Variants in ZDHHC11B observed in about 807,000 individuals in gnomAD.
The protein encoded by ZDHHC11B is zDHHC palmitoyltransferase 11B (putative), also known as probable palmitoyltransferase ZDHHC11B.
ZDHHC11B carries 17 observed loss-of-function variants against 42.3 expected under a neutral mutation model. The ratio of observed to expected loss-of-function variants is 0.40; its 90% CI spans 0.27 to 0.60. The LOEUF (loss-of-function observed/expected upper bound fraction) is 0.60. Ranked by LOEUF, ZDHHC11B falls within the 20% of genes least tolerant of loss-of-function variation. The pLI, the probability that ZDHHC11B is intolerant of heterozygous loss-of-function variation, is 0.41. For missense variants in ZDHHC11B, 262 were observed against 463.2 expected (o/e 0.57, Z 3.99); for synonymous variants, 123 against 193.5 (o/e 0.64, Z 3.02).
chr5:746,541 C>T (rs1408137325), intron 8 of ZDHHC11B, among the ~76,000 whole-genome samples: 1 of 133,454 alleles, frequency 7.5e-6, no homozygotes, highest in Admixed American at 8.5e-5. Context: ...TCAAGAAGCC[C>T]GTTCCAAGTG....
chr5:721,376 A>G (rs1365009986), intron 12 of ZDHHC11B, among the ~76,000 whole-genome samples: 1 of 151,550 alleles, frequency 6.6e-6, no homozygotes, highest in Non-Finnish European at 1.5e-5. Context: ...CATTATATAT[A>G]TAGATAGATA....
chr5:720,848 C>A (rs1259345811), intron 12 of ZDHHC11B, among the ~76,000 whole-genome samples: 1 of 151,584 alleles, frequency 6.6e-6, no homozygotes, highest in Non-Finnish European at 1.5e-5. Context: ...TAGTGGCTTA[C>A]TCCTGTAATC....
At chr5:712,884 G>A (rs1476844594) in intron 13 of ZDHHC11B, among the ~76,000 whole-genome samples, 1 of 150,418 alleles carries the variant, frequency 6.6e-6, no homozygotes, top group African/African-American at 2.4e-5. Flanking sequence ...ACTCCAGCCT[G>A]GGTGACACAG....
chr5:756,219 C>T (rs1733805680), intron 4 of ZDHHC11B, 75 bp from the exon 5 acceptor site: 1 of 1,523,414 alleles, frequency 6.6e-7, no homozygotes, highest in African/African-American at 1.4e-5. Flanking sequence ...GCCCAAGGTC[C>T]CAGAAGAGGC....
chr5:731,721 C>A (rs1196931717), intron 11 of ZDHHC11B, among the ~76,000 whole-genome samples: 1 of 151,830 alleles, frequency 6.6e-6, no homozygotes, highest in Non-Finnish European at 1.5e-5. Flanking sequence ...CAAATGTATC[C>A]GTTTTGTGAA....
chr5:756,941 G>A (rs1733939034), intron 4 of ZDHHC11B, among the ~76,000 whole-genome samples: 2 of 151,754 alleles, frequency 1.3e-5, no homozygotes, highest in Non-Finnish European at 2.9e-5. Context: ...GGGACCCTGG[G>A]CCTCTGTCTT....
intron 4 of ZDHHC11B, among the ~76,000 whole-genome samples, chr5:763,961 G>A (rs550962479): frequency 5.9e-5 from 9 of 151,942 alleles, no homozygotes; most frequent in South Asian, 2.1e-4. Flanking sequence ...CTGCGGGTCC[G>A]CTTGACTGTA....
rs538821317 is a variant in ZDHHC11B, at chr5:748,094, C to T, written c.784+310G>A. 4.3e-5 allele frequency: 22 copies of T among 514,702 alleles called. 6 individuals carry two copies. Among genetic ancestry groups the T allele is most frequent in the African/African-American group, 3.2e-4 (17 of 53,416 alleles). The allele number at this position is 514,702 out of a possible 1,614,324, so 31.9% of individuals were successfully genotyped here. A position where few individuals can be genotyped will look rare whatever the true frequency, so the allele number is the denominator to read the frequency against. ...TGCCTAATAGATTCCATTCCATTTT[C>T]TCTGAACATTTTAAACTTGTTACTT... On this transcript the variant is annotated intron_variant, in intron 8 of 13. Transcript: ENST00000508859.
chr5:739,096 C>CA lies in ZDHHC11B; in HGVS notation c.935+2497dup, dbSNP rs113684681. On this transcript the variant is annotated intron_variant, in intron 10 of 13. Coordinates refer to ENST00000508859, the MANE Select transcript of ZDHHC11B (RefSeq NM_001351303.2). The stretch of plus-strand genomic sequence containing the variant: ...TCTAAAAGGAACTCAAACAAATCCG[C>CA]AAAAAAAAAACAAATCATCCAATTG... Among the ~76,000 whole-genome samples, 1,081 of 144,668 alleles carry CA rather than the reference C, an allele frequency of 7.5e-3. 59 individuals are homozygous for CA. The highest frequency in any genetic ancestry group is 0.022 in the African/African-American group (853 of 39,396). The allele number at this position is 144,668 out of a possible 152,430, so 94.9% of individuals were successfully genotyped here. A position where few individuals can be genotyped will look rare whatever the true frequency, so the allele number is the denominator to read the frequency against.
At chr5:776,534 C>A (rs570872229) in intron 1 of ZDHHC11B, among the ~76,000 whole-genome samples, 1 of 151,926 alleles carries the variant, frequency 6.6e-6, no homozygotes, top group South Asian at 2.1e-4. Flanking sequence ...GCAGTGTGCT[C>A]CTGGCCTCAA....
intron 1 of ZDHHC11B, among the ~76,000 whole-genome samples, chr5:776,383 G>A (rs1736484479): frequency 6.6e-6 from 1 of 151,854 alleles, no homozygotes; most frequent in Non-Finnish European, 1.5e-5. Context: ...TGAGGGAGTG[G>A]AGGGGATCAG....
intron 6 of ZDHHC11B, among the ~76,000 whole-genome samples, chr5:752,804 C>T (rs1358211193): frequency 9.6e-6 from 1 of 104,202 alleles, no homozygotes; most frequent in Non-Finnish European, 2.2e-5. Flanking sequence ...CACGCCCTAC[C>T]CTGCCCCCAG....
rs1745159185 is a variant in ZDHHC11B at position 748,666 on chromosome 5, G to A, written c.629-107C>T. On this transcript the variant is annotated intron_variant, in intron 7 of 13. Transcript: ENST00000508859. ...CTGGGGATGGGGCGGCGTGGAGACAGCCAGCACGAGGGATGCCTCCCTGCC... is the reference window on the plus strand; with the variant it reads ...CTGGGGATGGGGCGGCGTGGAGACAACCAGCACGAGGGATGCCTCCCTGCC... 8 of 1,170,282 alleles carry A rather than the reference G, an allele frequency of 6.8e-6. 3 individuals are homozygous for A. The Admixed American group carries it at 1.9e-4, about 27-fold the overall frequency. 72.5% of individuals were successfully genotyped at this position (1,170,282 alleles called of 1,614,324 possible). A position where few individuals can be genotyped will look rare whatever the true frequency, so the allele number is the denominator to read the frequency against.
chr5:756,099 CG>C lies in ZDHHC11B; in HGVS notation c.267del (p.Ile89MetfsTer15). 4.8e-6 allele frequency: 7 copies of C among 1,454,364 alleles called. No individual in the cohort carries two copies. Among genetic ancestry groups the C allele is most frequent in the Non-Finnish European group, 6.5e-6 (7 of 1,080,328 alleles). 90.1% of individuals were successfully genotyped at this position (1,454,364 alleles called of 1,614,324 possible). ...GAGTCGGCCGGGTCGATGCAGGACG[CG>C]ATCAGGTGGACGACGAGGTGGAACG... ...IFSFHLVVHL[I>X]ASCIDPADSN... On this transcript the variant is annotated frameshift_variant, in exon 5 of 14. Transcript: ENST00000508859. LOFTEE classifies it high-confidence loss of function.
At chr5:727,015 G>T (rs1289911934) in intron 12 of ZDHHC11B, among the ~76,000 whole-genome samples, 1 of 130,958 alleles carries the variant, frequency 7.6e-6, no homozygotes, top group Admixed American at 7.9e-5. Context: ...AAAATTAATG[G>T]GTTGTGTGAA....
chr5:763,373 G>GGA (rs1554040852), intron 4 of ZDHHC11B, among the ~76,000 whole-genome samples: 38 of 128,564 alleles, frequency 3.0e-4, no homozygotes, highest in East Asian at 1.3e-3. Context: ...CCCATCTCGG[G>GGA]AAAAAAAAAA....
chr5:716,368 C>A (rs1741750970), intron 13 of ZDHHC11B, among the ~76,000 whole-genome samples: 1 of 151,608 alleles, frequency 6.6e-6, no homozygotes, highest in South Asian at 2.1e-4. Flanking sequence ...TTAAATTTCA[C>A]TGCATTCTAT....
At chr5:729,281 T>A (rs1233345749) in intron 12 of ZDHHC11B, among the ~76,000 whole-genome samples, 10 of 151,148 alleles carry the variant, frequency 6.6e-5, no homozygotes, top group Non-Finnish European at 1.3e-4. Flanking sequence ...GGGCCCTACC[T>A]GGTTTGGCCA....
At chr5:766,505 C>T (rs1455681684) in intron 4 of ZDHHC11B, among the ~76,000 whole-genome samples, 193 bp downstream of exon 4, 2 of 151,970 alleles carry the variant, frequency 1.3e-5, no homozygotes, top group Non-Finnish European at 2.9e-5. Flanking sequence ...CAGCAGCTGT[C>T]CTGACCCTGA....
Sources: gnomAD v4.1 joint callset for allele counts (sites outside exome capture counted in the v4.1 genomes callset) on GRCh38, gnomAD v4.1.1 for gene constraint, MANE v1.5 for transcripts, NCBI Gene and HGNC (gene_info 2026-07-23, HGNC 2026-07-21) for gene names.